Variants in INTS6 observed in about 807,000 individuals in gnomAD.
INTS6 encodes the protein DEAD box protein.
A neutral mutation model predicts 104.9 loss-of-function variants in INTS6; 16 were observed. That is an observed-to-expected ratio of 0.15 (90% CI 0.10 to 0.23). The LOEUF is 0.23. Ranked by LOEUF, INTS6 falls within the 10% of genes least tolerant of loss-of-function variation. The pLI is 1.00. For synonymous variants in INTS6, 324 were observed against 358.7 expected, an observed-to-expected ratio of 0.90 and a Z score of 1.09; for missense variants, 584 against 1,062.8, an observed-to-expected ratio of 0.55 and a Z score of 6.26.
intron 3 of INTS6, among the ~76,000 whole-genome samples, chr13:51,434,883 C>G (rs1009018283): frequency 2.0e-5 from 3 of 151,986 alleles, no homozygotes; most frequent in African/African-American, 7.2e-5. Context: ...GTTTTAACAC[C>G]TCCAAAGTCT....
the INTS6 span, chr13:51,341,197 C>T: frequency 1.2e-6 from 2 of 1,614,066 alleles, no homozygotes; most frequent in South Asian, 2.2e-5. Context: ...GTTTGCACTT[C>T]ACCTCTACCA....
At chr13:51,444,252 A>ATTTTTTTTTTTTTTT (rs57566246) in intron 3 of INTS6, 1 of 54,410 alleles carries the variant, frequency 1.8e-5, no homozygotes, top group African/African-American at 9.4e-5. Flanking sequence ...CCCCCAGCTA[A>ATTTTTTTTTTTTTTT]TTTTTTTTTT....
At chr13:51,426,421 T>C (rs1412845818) in intron 4 of INTS6, among the ~76,000 whole-genome samples, 1 of 152,038 alleles carries the variant, frequency 6.6e-6, no homozygotes, top group Non-Finnish European at 1.5e-5. Flanking sequence ...AGATACAAGG[T>C]AGGAGCCACA....
At chr13:51,399,187 A>G (rs1450464460) in intron 4 of INTS6, among the ~76,000 whole-genome samples, 1 of 151,646 alleles carries the variant, frequency 6.6e-6, no homozygotes, top group Admixed American at 6.6e-5. Flanking sequence ...CTATTGCCAT[A>G]TTGTTTATCT....
chr13:51,422,390 G>A (rs1257602412), intron 4 of INTS6, among the ~76,000 whole-genome samples: 1 of 152,084 alleles, frequency 6.6e-6, no homozygotes, highest in Non-Finnish European at 1.5e-5. Flanking sequence ...TGTGTAGACA[G>A]GATGTCAGGG....
intron 4 of INTS6, among the ~76,000 whole-genome samples, chr13:51,412,350 TGTGA>T (rs1956703801): frequency 6.6e-6 from 1 of 152,134 alleles, no homozygotes; most frequent in Non-Finnish European, 1.5e-5. Context: ...ATATGCAAAA[TGTGA>T]GTGTCATGTA....
At chr13:51,409,942 A>T (rs538535491) in intron 4 of INTS6, among the ~76,000 whole-genome samples, 1 of 152,348 alleles carries the variant, frequency 6.6e-6, no homozygotes, top group East Asian at 1.9e-4. Flanking sequence ...ATGCAAAAAA[A>T]TCAACTGTTT....
intron 5 of INTS6, among the ~76,000 whole-genome samples, chr13:51,393,549 G>A (rs1234682456): frequency 6.6e-6 from 1 of 152,126 alleles, no homozygotes; most frequent in Non-Finnish European, 1.5e-5. Flanking sequence ...ATTATTCAGA[G>A]ATATGAAAAG....
intron 4 of INTS6, among the ~76,000 whole-genome samples, chr13:51,428,082 A>G (rs1296449237): frequency 6.6e-6 from 1 of 152,178 alleles, no homozygotes; most frequent in Non-Finnish European, 1.5e-5. Context: ...TTGTACCCCA[A>G]AGGGCATTTC....
At position 51,376,085 on chromosome 13, in the gene INTS6, C is replaced by T; in HGVS notation, c.1692G>A (p.Leu564=). The change falls in exon 13 of 18, where the codon TTG becomes TTA. Residue 564 remains leucine (L), a synonymous_variant. Coordinates refer to ENST00000311234, the MANE Select transcript of INTS6 (RefSeq NM_012141.3). Reference sequence around the variant, plus strand: ...CTTTCAGAAATCTGCGAGTGCTCTTCAAAAGATTAGATCTCATTCTTGTTA... The same window carrying T: ...CTTTCAGAAATCTGCGAGTGCTCTTTAAAAGATTAGATCTCATTCTTGTTA... ...DHLTRMRSNL[L]KSTRRFLKGQ... is the part of the protein sequence containing the mutation. The T allele has an allele frequency of 6.2e-7, 1 of 1,611,350 alleles. No individual in the cohort carries two copies. Among genetic ancestry groups the T allele is most frequent in the South Asian group, 1.1e-5 (1 of 90,686 alleles).
intron 12 of INTS6, among the ~76,000 whole-genome samples, chr13:51,376,717 A>C (rs553866951): frequency 1.3e-5 from 2 of 152,192 alleles, no homozygotes; most frequent in Admixed American, 1.3e-4. Flanking sequence ...TGCAACGTCT[A>C]ATCTTTTGTA....
At chr13:51,401,295 CT>C (rs1956434689) in intron 4 of INTS6, among the ~76,000 whole-genome samples, 1 of 151,986 alleles carries the variant, frequency 6.6e-6, no homozygotes, top group Non-Finnish European at 1.5e-5. Context: ...TGTTTAGGCT[CT>C]GAGGATTTAA....
intron 10 of INTS6, among the ~76,000 whole-genome samples, chr13:51,381,055 C>G (rs1260096025): frequency 2.6e-5 from 4 of 152,070 alleles, no homozygotes; most frequent in Non-Finnish European, 5.9e-5. Flanking sequence ...TATACAGACT[C>G]TTTTTTCCTT....
intron 4 of INTS6, among the ~76,000 whole-genome samples, chr13:51,404,193 G>T (rs1956509676): frequency 1.3e-5 from 2 of 151,272 alleles, no homozygotes; most frequent in African/African-American, 4.9e-5. Context: ...GGGATAGCTT[G>T]AGCCCAGGAG....
At position 51,367,801 on chromosome 13, in the gene INTS6, T is replaced by G; in HGVS notation, c.2570+4A>C. 1.3e-6 allele frequency: 2 copies of G among 1,505,260 alleles called. No homozygotes were observed. The highest frequency in any genetic ancestry group is 2.4e-5 in the South Asian group (2 of 84,658). 93.2% of individuals were successfully genotyped at this position (1,505,260 alleles called of 1,614,324 possible). A position where few individuals can be genotyped will look rare whatever the true frequency, so the allele number is the denominator to read the frequency against. On this transcript the variant is annotated splice_donor_region_variant and intron_variant, in intron 17 of 17. Coordinates refer to ENST00000311234, the MANE Select transcript of INTS6 (RefSeq NM_012141.3). ...CATTTCATTATATGCAATAGTTTAT[T>G]TACCTTGATGCTTCTTTAATGACAT... is the stretch of plus-strand genomic sequence containing the variant.
At chr13:51,355,307 G>C (rs1330239333) in intron 3 of INTS6, among the ~76,000 whole-genome samples, 2 of 152,100 alleles carry the variant, frequency 1.3e-5, no homozygotes, top group African/African-American at 2.4e-5. Flanking sequence ...GTCAAATTTG[G>C]GTTAGATCTT....
At chr13:51,347,295 G>A in the INTS6 span, 3 of 1,435,052 alleles carry the variant, frequency 2.1e-6, no homozygotes, top group Admixed American at 1.8e-5. Flanking sequence ...GAGGGCAGGA[G>A]AGAGGAGGCC....
At chr13:51,377,964 T>C (rs1436187620) in intron 12 of INTS6, among the ~76,000 whole-genome samples, 3 of 152,130 alleles carry the variant, frequency 2.0e-5, no homozygotes, top group African/African-American at 7.2e-5. Flanking sequence ...AATTCTACCA[T>C]CCACTACTGC....
At chr13:51,355,894 C>T (rs1055215359) in intron 3 of INTS6, among the ~76,000 whole-genome samples, 3 of 152,166 alleles carry the variant, frequency 2.0e-5, no homozygotes, top group Non-Finnish European at 4.4e-5. Flanking sequence ...GATACTGTAG[C>T]TGGTATTTCC....
Sources: gnomAD v4.1 joint callset for allele counts (sites outside exome capture counted in the v4.1 genomes callset) on GRCh38, gnomAD v4.1.1 for gene constraint, MANE v1.5 for transcripts, NCBI Gene and HGNC (gene_info 2026-07-23, HGNC 2026-07-21) for gene names.